Variants in NFIL3 observed in about 807,000 individuals in gnomAD.
The protein encoded by NFIL3 is nuclear factor, interleukin 3 regulated, also known as nuclear factor interleukin-3-regulated protein.
Under a neutral mutation model 10.0 loss-of-function variants are expected in NFIL3, and 5 were observed. The observed-to-expected ratio is 0.50, with a 90% CI of 0.26 to 1.06. The LOEUF is 1.06. Among genes scored for constraint, NFIL3 ranks in the 50% least tolerant of loss-of-function variants. The pLI is 0.13. For synonymous variants in NFIL3, 202 were observed against 206.5 expected, an observed-to-expected ratio of 0.98 and a Z score of 0.19; for missense variants, 436 against 547.6, an observed-to-expected ratio of 0.80 and a Z score of 2.03.
At chr9:91,427,440 G>A (rs992129528), upstream of NFIL3, among the ~76,000 whole-genome samples, 2 of 152,112 alleles carry the variant, frequency 1.3e-5, no homozygotes, top group African/African-American at 4.8e-5. Flanking sequence ...AAAAAACTTC[G>A]ATAACTAAAA....
At chr9:91,449,764 A>G in the NFIL3 span, among the ~76,000 whole-genome samples, 1 of 152,042 alleles carries the variant, frequency 6.6e-6, no homozygotes, top group African/African-American at 2.4e-5. Flanking sequence ...TTTTTTAAAA[A>G]CAGTTCAAGG....
At chr9:91,453,516 C>G in the NFIL3 span, among the ~76,000 whole-genome samples, 2 of 152,134 alleles carry the variant, frequency 1.3e-5, no homozygotes, top group Admixed American at 6.5e-5. Context: ...GAGACATAAA[C>G]TTGATTTTTT....
the NFIL3 span, among the ~76,000 whole-genome samples, chr9:91,456,859 T>G: frequency 6.6e-6 from 1 of 152,118 alleles, no homozygotes; most frequent in Non-Finnish European, 1.5e-5. Context: ...CATTTTGAAT[T>G]AACATTTTAT....
the NFIL3 span, among the ~76,000 whole-genome samples, chr9:91,435,730 T>C: frequency 6.6e-6 from 1 of 152,234 alleles, no homozygotes; most frequent in Non-Finnish European, 1.5e-5. Flanking sequence ...CAGGGTCCCT[T>C]ACTGAGACTT....
chr9:91,438,567 GA>G, the NFIL3 span, among the ~76,000 whole-genome samples: 1 of 151,992 alleles, frequency 6.6e-6, no homozygotes, highest in Non-Finnish European at 1.5e-5. Flanking sequence ...GTAATTAGGG[GA>G]AAAAAATCAT....
chr9:91,426,973 C>G (rs1199295763), upstream of NFIL3: 1 of 151,756 alleles, frequency 6.6e-6, no homozygotes, highest in Non-Finnish European at 1.5e-5. Flanking sequence ...TGGACTGTGG[C>G]AAAAAGAAAG....
chr9:91,482,415 AAAG>A, the NFIL3 span, among the ~76,000 whole-genome samples: 12 of 150,496 alleles, frequency 8.0e-5, no homozygotes, highest in Admixed American at 1.3e-4. Context: ...AGTTTAATAT[AAAG>A]AAGCCAGGGC....
chr9:91,449,949 A>G, the NFIL3 span, among the ~76,000 whole-genome samples: 1 of 152,012 alleles, frequency 6.6e-6, no homozygotes, highest in Non-Finnish European at 1.5e-5. Flanking sequence ...TGTATTTCTA[A>G]AAGTTTGTCC....
At chr9:91,416,158 CTTTTT>C (rs76390990) in intron 1 of NFIL3, among the ~76,000 whole-genome samples, 2 of 139,510 alleles carry the variant, frequency 1.4e-5, no homozygotes, top group East Asian at 2.0e-4. Context: ...TGATCTTCTT[CTTTTT>C]TTTTTTTTTT....
At chr9:91,460,703 A>G in the NFIL3 span, among the ~76,000 whole-genome samples, 1 of 152,156 alleles carries the variant, frequency 6.6e-6, no homozygotes, top group Admixed American at 6.5e-5. Context: ...GAGTTCTGCA[A>G]AGTTCCTGAG....
At chr9:91,428,738 T>C (rs1833894807), upstream of NFIL3, among the ~76,000 whole-genome samples, 1 of 152,182 alleles carries the variant, frequency 6.6e-6, no homozygotes. Flanking sequence ...CAGAAAGAGG[T>C]GATTTTGCAA....
the NFIL3 span, among the ~76,000 whole-genome samples, chr9:91,432,220 C>T: frequency 6.6e-6 from 1 of 152,196 alleles, no homozygotes; most frequent in South Asian, 2.1e-4. Context: ...TAGATAAATA[C>T]CTCCTCTCTA....
chr9:91,449,135 C>G, the NFIL3 span, among the ~76,000 whole-genome samples: 1 of 152,054 alleles, frequency 6.6e-6, no homozygotes, highest in Admixed American at 6.5e-5. Context: ...TTGGAATTTT[C>G]TATAAGTAAG....
chr9:91,431,221 T>A, the NFIL3 span, among the ~76,000 whole-genome samples: 3 of 152,206 alleles, frequency 2.0e-5, no homozygotes, highest in Non-Finnish European at 2.9e-5. Flanking sequence ...AAATGCTTTT[T>A]TTCCCCCAAA....
chr9:91,415,232 G>T (rs1357135098), intron 1 of NFIL3, among the ~76,000 whole-genome samples: 1 of 152,128 alleles, frequency 6.6e-6, no homozygotes, highest in African/African-American at 2.4e-5. Flanking sequence ...ACAAACATGG[G>T]CCTGGGGTGC....
chr9:91,473,080 C>T, the NFIL3 span, among the ~76,000 whole-genome samples: 1 of 152,294 alleles, frequency 6.6e-6, no homozygotes, highest in South Asian at 2.1e-4. Flanking sequence ...CCCATGGAAG[C>T]TGCATCTCAG....
At chr9:91,427,798 G>A (rs1833886922), upstream of NFIL3, among the ~76,000 whole-genome samples, 1 of 151,894 alleles carries the variant, frequency 6.6e-6, no homozygotes, top group South Asian at 2.1e-4. Flanking sequence ...ACACTACCAT[G>A]CCTGGCTAAT....
Position 91,410,240 on chromosome 9 carries a change from C to G in NFIL3, c.495G>C (p.Glu165Asp). 6.2e-7 allele frequency: 1 copy of G among 1,614,140 alleles called. No individual in the cohort carries two copies. Among genetic ancestry groups the G allele is most frequent in the Non-Finnish European group, 8.5e-7 (1 of 1,180,014 alleles). ...TACTTGACACCATCGAGGGTTCGTG[C>G]TCGTCCACAAATGAACTCACATTGG... The part of the protein sequence containing the change: ...SKSNVSSFVD[E>D]HEPSMVSSSC... Residue 165 changes from glutamate to aspartate, a missense_variant, in exon 2 of 2, where the codon GAG becomes GAC. Physicochemically the swap from Glu to Asp is conservative, Grantham distance 45. Transcript: ENST00000297689. This position sits in a 1 kb window ranked among gnomAD's most constrained non-coding sequence, Gnocchi z 5.7.
At chr9:91,452,963 G>A in the NFIL3 span, among the ~76,000 whole-genome samples, 1 of 151,998 alleles carries the variant, frequency 6.6e-6, no homozygotes, top group Admixed American at 6.6e-5. Flanking sequence ...ACAAAAGCTG[G>A]AATTGTCACC....
Sources: allele counts gnomAD v4.1 joint callset (sites outside exome capture counted in the v4.1 genomes callset), GRCh38; gene constraint gnomAD v4.1.1; non-coding constraint Gnocchi (gnomAD v3.1); transcripts MANE v1.5; gene names NCBI Gene and HGNC (gene_info 2026-07-23, HGNC 2026-07-21).